ADAMTS18: variants seen among roughly 807,000 people sequenced by gnomAD.
ADAMTS18 encodes the protein ADAM metallopeptidase with thrombospondin type 1 motif 18.
ADAMTS18 carries 157 observed loss-of-function variants against 165.9 expected under a neutral mutation model. That is an observed-to-expected ratio of 0.95 (90% confidence interval 0.83 to 1.08). The LOEUF (loss-of-function observed/expected upper bound fraction) is 1.08, where lower values mean the gene tolerates loss of function less well. Among genes scored for constraint, ADAMTS18 ranks in the 50% least tolerant of loss-of-function variants. ADAMTS18 has a pLI of 0.00. For synonymous variants in ADAMTS18, 782 were observed against 578.2 expected, an observed-to-expected ratio of 1.35 and a Z score of -5.06; for missense variants, 2,040 against 1,534.0, an observed-to-expected ratio of 1.33 and a Z score of -5.51.
chr16:77,295,224 G>T, intron 18 of ADAMTS18, 97 bp from the exon 19 acceptor site: 2 of 1,274,310 alleles, frequency 1.6e-6, no homozygotes, highest in Non-Finnish European at 2.2e-6. Context: ...TGGAAGCCAT[G>T]AATCAATTTC....
chr16:77,362,587 T>C (rs1321867767), intron 6 of ADAMTS18, among the ~76,000 whole-genome samples: 1 of 152,210 alleles, frequency 6.6e-6, no homozygotes, highest in Non-Finnish European at 1.5e-5. Context: ...TGATAATAAA[T>C]TAATGATGAA....
intron 18 of ADAMTS18, among the ~76,000 whole-genome samples, chr16:77,296,043 C>T (rs535678276): frequency 1.9e-4 from 29 of 151,654 alleles, no homozygotes; most frequent in African/African-American, 2.9e-4. Flanking sequence ...CACACATATA[C>T]GCACATCTTT....
At chr16:77,335,614 A>G in intron 12 of ADAMTS18, 142 bp downstream of exon 12, 2 of 1,004,532 alleles carry the variant, frequency 2.0e-6, no homozygotes, top group East Asian at 2.6e-5. Flanking sequence ...CATCACATGT[A>G]CCCCATAAAT....
chr16:77,420,838 A>G (rs2057592665), intron 3 of ADAMTS18, among the ~76,000 whole-genome samples: 1 of 152,230 alleles, frequency 6.6e-6, no homozygotes, highest in Admixed American at 6.5e-5. Context: ...ACAGAAAATT[A>G]ATTTTGAGTA....
intron 16 of ADAMTS18, among the ~76,000 whole-genome samples, chr16:77,306,417 C>T (rs1201640803): frequency 1.3e-5 from 2 of 152,196 alleles, no homozygotes; most frequent in Middle Eastern, 3.2e-3. Flanking sequence ...GTTTAAGGCA[C>T]ATAAAATTAA....
At chr16:77,306,440 C>G (rs1230440504) in intron 16 of ADAMTS18, among the ~76,000 whole-genome samples, 2 of 152,208 alleles carry the variant, frequency 1.3e-5, no homozygotes, top group African/African-American at 4.8e-5. Flanking sequence ...CAAAGGATAT[C>G]TTCAATAATC....
chr16:77,348,641 T>G (rs544760108), intron 10 of ADAMTS18, among the ~76,000 whole-genome samples: 3 of 152,324 alleles, frequency 2.0e-5, no homozygotes, highest in Admixed American at 1.3e-4. Context: ...CATGTGAGCT[T>G]TGGTTATCAC....
intron 3 of ADAMTS18, among the ~76,000 whole-genome samples, chr16:77,378,264 G>A (rs185794910): frequency 1.3e-5 from 2 of 152,004 alleles, no homozygotes; most frequent in African/African-American, 4.8e-5. Context: ...GGTTGAGGCT[G>A]CAGTGAGCTG....
At chr16:77,337,228 T>A (rs551420547) in intron 11 of ADAMTS18, among the ~76,000 whole-genome samples, 1 of 152,212 alleles carries the variant, frequency 6.6e-6, no homozygotes, top group African/African-American at 2.4e-5. Context: ...TTTGAGGATT[T>A]TGCCTACCAT....
At chr16:77,330,786 C>T (rs1014650310) in intron 12 of ADAMTS18, among the ~76,000 whole-genome samples, 1 of 152,172 alleles carries the variant, frequency 6.6e-6, no homozygotes, top group Non-Finnish European at 1.5e-5. Flanking sequence ...GAAATAAAGT[C>T]TGTTCTGGGA....
At chr16:77,368,073 A>G (rs1388147760) in intron 3 of ADAMTS18, among the ~76,000 whole-genome samples, 1 of 152,180 alleles carries the variant, frequency 6.6e-6, no homozygotes, top group Admixed American at 6.5e-5. Context: ...AACAGGGTCA[A>G]TGTGGCCCAA....
intron 16 of ADAMTS18, among the ~76,000 whole-genome samples, chr16:77,314,339 G>A (rs1235094452): frequency 6.6e-6 from 1 of 151,966 alleles, no homozygotes; most frequent in Non-Finnish European, 1.5e-5. Context: ...GGCTGGGCGT[G>A]GTGCACACCA....
At chr16:77,406,075 A>C (rs1275543818) in intron 3 of ADAMTS18, among the ~76,000 whole-genome samples, 1 of 152,178 alleles carries the variant, frequency 6.6e-6, no homozygotes, top group Non-Finnish European at 1.5e-5. Context: ...ACAACAGTAA[A>C]ATTACAGACC....
chr16:77,373,238 C>G (rs1031361547), intron 3 of ADAMTS18, among the ~76,000 whole-genome samples: 3 of 152,044 alleles, frequency 2.0e-5, no homozygotes, highest in Admixed American at 2.0e-4. Flanking sequence ...TGCCTGTAAT[C>G]CCAGCACTTT....
At chr16:77,339,718 A>G (rs1233443492) in intron 11 of ADAMTS18, among the ~76,000 whole-genome samples, 5 of 152,112 alleles carry the variant, frequency 3.3e-5, no homozygotes, top group African/African-American at 1.2e-4. Flanking sequence ...ATTGTTTTGT[A>G]TCATCATGGC....
chr16:77,356,119 C>G (rs1280636040), intron 8 of ADAMTS18, 42 bp from the exon 9 acceptor site: 6 of 1,613,482 alleles, frequency 3.7e-6, no homozygotes, highest in Non-Finnish European at 5.1e-6. Context: ...TTTGTGAACC[C>G]ATTTTTTTGA....
Position 77,356,090 on chromosome 16 carries a change from G to A in ADAMTS18, c.1323-13C>T. ...AATCATACCAAAGCTGAAACAGAAT[G>A]AAGAAAACAAAATCCTGCTTTGTGA... On this transcript the variant is annotated splice_polypyrimidine_tract_variant and intron_variant, in intron 8 of 22. Transcript: ENST00000282849. 6.2e-7 allele frequency: 1 copy of A among 1,613,980 alleles called. No homozygotes were observed. Among genetic ancestry groups the A allele is most frequent in the Non-Finnish European group, 8.5e-7 (1 of 1,179,914 alleles).
chr16:77,347,054 C>T (rs571709510), intron 10 of ADAMTS18, among the ~76,000 whole-genome samples: 1 of 152,154 alleles, frequency 6.6e-6, no homozygotes, highest in African/African-American at 2.4e-5. Flanking sequence ...ATAAATGGAA[C>T]CATACAGAAT....
chr16:77,371,922 C>T (rs2056881653), intron 3 of ADAMTS18, among the ~76,000 whole-genome samples: 1 of 151,880 alleles, frequency 6.6e-6, no homozygotes, highest in African/African-American at 2.4e-5. Context: ...AACTCATCAG[C>T]AAAAAATAAC....
Sources: gnomAD v4.1 joint callset for allele counts (sites outside exome capture counted in the v4.1 genomes callset) on GRCh38, gnomAD v4.1.1 for gene constraint, MANE v1.5 for transcripts, NCBI Gene and HGNC (gene_info 2026-07-23, HGNC 2026-07-21) for gene names.